The following ESF1 variants were observed in gnomAD, a reference collection of about 807,000 sequenced individuals.
ESF1 encodes ESF1 nucleolar pre-rRNA processing protein, also known as ESF1 homolog.
ESF1 carries 58 observed loss-of-function variants against 92.0 expected under a neutral mutation model. That is an observed-to-expected ratio of 0.63 (90% confidence interval 0.51 to 0.78). The LOEUF is 0.78. ESF1 is among the 30% of genes least tolerant of loss of function. ESF1 has a pLI of 0.00. For synonymous variants in ESF1, 321 were observed against 313.7 expected (o/e 1.02, Z -0.24); for missense variants, 922 against 989.1 (o/e 0.93, Z 0.91).
chr20:13,755,487 C>T (rs538721435), intron 9 of ESF1, among the ~76,000 whole-genome samples: 1 of 152,226 alleles, frequency 6.6e-6, no homozygotes, highest in African/African-American at 2.4e-5. Context: ...AATTCCTCAA[C>T]GAGGTACATT....
intron 11 of ESF1, among the ~76,000 whole-genome samples, chr20:13,722,711 G>A (rs2049876201): frequency 6.6e-6 from 1 of 151,718 alleles, no homozygotes; most frequent in African/African-American, 2.4e-5. Context: ...AATTAGCCAG[G>A]CATGGTGGTG....
At chr20:13,761,508 G>A (rs1270252676) in intron 8 of ESF1, among the ~76,000 whole-genome samples, 1 of 151,938 alleles carries the variant, frequency 6.6e-6, no homozygotes, top group Admixed American at 6.6e-5. Context: ...ATAAATGTAG[G>A]CTGAATATTG....
intron 9 of ESF1, among the ~76,000 whole-genome samples, chr20:13,756,207 A>G (rs1478766453): frequency 6.6e-6 from 1 of 152,244 alleles, no homozygotes; most frequent in Admixed American, 6.5e-5. Flanking sequence ...ACTGAGGTAC[A>G]GAAAGATTGC....
Position 13,771,434 on chromosome 20 carries a change from A to G in ESF1, c.1300T>C (p.Tyr434His). Residue 434 changes from tyrosine to histidine, a missense_variant, in exon 6 of 14, where the codon TAT becomes CAT. Tyr to His is a moderately conservative substitution (Grantham distance 83). Transcript: ENST00000617257. ...RDYQFKRLKY[Y>H]YAVVDCDSPE... is the part of the protein sequence containing the mutation. ...GAATCACAGTCTACTACTGCATAATAGTACTTCAGTCGTTTGAATTGATAA... is the reference window on the plus strand; with the variant it reads ...GAATCACAGTCTACTACTGCATAATGGTACTTCAGTCGTTTGAATTGATAA... The G allele has an allele frequency of 6.2e-7, 1 of 1,613,144 alleles. No homozygotes were observed.
chr20:13,740,456 T>C (rs1293075017), intron 9 of ESF1, among the ~76,000 whole-genome samples: 1 of 151,622 alleles, frequency 6.6e-6, no homozygotes, highest in African/African-American at 2.4e-5. Context: ...AAAACAAAAG[T>C]GAAGAAATTA....
intron 9 of ESF1, among the ~76,000 whole-genome samples, chr20:13,757,289 T>C (rs1483635889): frequency 2.0e-5 from 3 of 152,208 alleles, no homozygotes; most frequent in Non-Finnish European, 4.4e-5. Context: ...TAAGGTACCA[T>C]GACCAAGGTG....
chr20:13,718,876 C>A (rs751763173), intron 12 of ESF1, 32 bp downstream of exon 12: 3 of 1,493,034 alleles, frequency 2.0e-6, no homozygotes, highest in Non-Finnish European at 2.8e-6. Flanking sequence ...TATGAATTAT[C>A]CACTAAGCAT....
intron 9 of ESF1, among the ~76,000 whole-genome samples, chr20:13,745,562 C>T (rs527628605): frequency 9.7e-4 from 147 of 152,236 alleles, no homozygotes; most frequent in African/African-American, 3.4e-3. Flanking sequence ...AGCGGTTCTC[C>T]TGCCTCAGCC....
At chr20:13,780,136 A>G (rs1450811922) in intron 2 of ESF1, among the ~76,000 whole-genome samples, 5 of 152,194 alleles carry the variant, frequency 3.3e-5, no homozygotes, top group African/African-American at 1.2e-4. Context: ...AATTACTGCA[A>G]GCAATGTGGT....
intron 8 of ESF1, among the ~76,000 whole-genome samples, chr20:13,763,054 G>C (rs1019720585): frequency 2.6e-5 from 4 of 151,822 alleles, no homozygotes; most frequent in Admixed American, 1.3e-4. Context: ...GTAGAGACGG[G>C]GTTTCACCGT....
intron 7 of ESF1, among the ~76,000 whole-genome samples, chr20:13,768,897 C>CAAA (rs574502122): frequency 0.03 from 1,792 of 59,026 alleles, 64 homozygotes; most frequent in African/African-American, 0.11. Context: ...ACTCTAGTCT[C>CAAA]AAAAAAAAAA....
intron 9 of ESF1, among the ~76,000 whole-genome samples, chr20:13,742,652 C>CTTCT (rs1390669873): frequency 6.6e-6 from 1 of 151,876 alleles, no homozygotes; most frequent in East Asian, 1.9e-4. Context: ...TATGAATATA[C>CTTCT]AAACTATAGT....
At position 13,718,915 on chromosome 20, in the gene ESF1, CTTTCTA is replaced by C. The variant is rs1568707318; in HGVS notation, c.2102_2107del (p.Ile701_Glu702del). ...ACAATAATCGTATTTTACCTTTTGT[CTTTCTA>C]TTTCAATTTCTTCTTCTGGAGATGT... On this transcript the variant is annotated inframe_deletion, in exon 12 of 14. Coordinates refer to ENST00000617257, the MANE Select transcript of ESF1 (RefSeq NM_001276380.2). 1 of 1,600,826 alleles carries C rather than the reference CTTTCTA, an allele frequency of 6.2e-7. No homozygotes were observed. Among genetic ancestry groups the C allele is most frequent in the Admixed American group, 1.7e-5 (1 of 57,720 alleles).
chr20:13,728,291 A>G, intron 11 of ESF1, 87 bp downstream of exon 11: 1 of 1,002,822 alleles, frequency 1.0e-6, no homozygotes, highest in Non-Finnish European at 1.5e-6. Flanking sequence ...TAGCAATTTT[A>G]AAAGAATGAT....
At chr20:13,731,395 G>A (rs1040708429) in intron 10 of ESF1, among the ~76,000 whole-genome samples, 19 of 152,030 alleles carry the variant, frequency 1.2e-4, no homozygotes, top group Non-Finnish European at 2.6e-4. Flanking sequence ...AGCCGGGTGT[G>A]GTGGCGGGCG....
chr20:13,776,894 C>T (rs1373618262), intron 2 of ESF1, among the ~76,000 whole-genome samples: 1 of 152,114 alleles, frequency 6.6e-6, no homozygotes, highest in Non-Finnish European at 1.5e-5. Context: ...CCATCATGTC[C>T]AGATCACAGA....
At chr20:13,720,957 TTAA>T (rs1030367821) in intron 11 of ESF1, among the ~76,000 whole-genome samples, 13 of 152,206 alleles carry the variant, frequency 8.5e-5, no homozygotes, top group African/African-American at 2.9e-4. Context: ...TCTGTCTCTA[TTAA>T]TAATACAAAA....
rs139489858 is a variant in ESF1, at chr20:13,747,593, GA to G, written c.1828+12098del. Among the ~76,000 whole-genome samples the G allele has an allele frequency of 1.6e-3, 209 of 127,926 alleles. 2 individuals carry two copies. In the East Asian group the frequency reaches 0.023, roughly 14 times the overall value. The allele number at this position is 127,926 out of a possible 152,430, so 83.9% of individuals were successfully genotyped here. A position where few individuals can be genotyped will look rare whatever the true frequency, so the allele number is the denominator to read the frequency against. On this transcript the variant is annotated intron_variant, in intron 9 of 13. Transcript: ENST00000617257. ...TGCCGACAGAGCGAGACTCAGTCTC[GA>G]AAAAAAAAAAAAGAGAGAGAAAATA...
intron 9 of ESF1, among the ~76,000 whole-genome samples, chr20:13,744,151 TATG>T (rs1163066370): frequency 1.3e-5 from 2 of 152,264 alleles, no homozygotes; most frequent in African/African-American, 4.8e-5. Flanking sequence ...ATCTATAGAT[TATG>T]ATTACTCCAA....
Sources: gnomAD v4.1 joint callset for allele counts (sites outside exome capture counted in the v4.1 genomes callset) on GRCh38, gnomAD v4.1.1 for gene constraint, MANE v1.5 for transcripts, NCBI Gene and HGNC (gene_info 2026-07-23, HGNC 2026-07-21) for gene names.